Variants in NF1 observed in about 807,000 individuals in gnomAD.
NF1 encodes neurofibromin.
NF1 carries 122 observed loss-of-function variants against 325.7 expected under a neutral mutation model. The observed-to-expected ratio is 0.37, with a 90% CI of 0.32 to 0.44. The LOEUF (loss-of-function observed/expected upper bound fraction) is 0.44. Ranked by LOEUF, NF1 falls within the 20% of genes least tolerant of loss-of-function variation. The pLI is 1.00. For synonymous variants in NF1, 1,091 were observed against 1,186.0 expected (o/e 0.92, Z 1.65); for missense variants, 2,140 against 3,415.4 (o/e 0.63, Z 9.31).
chr17:31,337,211 A>T (rs935864303), intron 42 of NF1, among the ~76,000 whole-genome samples, 157 bp from the exon 43 acceptor site: 5 of 152,234 alleles, frequency 3.3e-5, no homozygotes, highest in African/African-American at 1.2e-4. Flanking sequence ...TGAAGCAAGG[A>T]GCATTAATAC....
chr17:31,199,685 G>A lies in NF1; in HGVS notation c.889-737G>A, dbSNP rs17879141. 7.8e-3 allele frequency among the ~76,000 whole-genome samples: 1,190 copies of A among 152,228 alleles called. 19 individuals carry two copies. Among genetic ancestry groups the A allele is most frequent in the African/African-American group, 0.027 (1,140 of 41,514 alleles). ...ATTTTTTTTGAGAAACAAATTTAGA[G>A]CAACAGAACAGCCTTGAATATATTC... is the stretch of plus-strand genomic sequence containing the variant. On this transcript the variant is annotated intron_variant, in intron 8 of 57. Transcript: ENST00000358273.
chr17:31,355,806 TATC>T (rs2070256024), intron 51 of NF1: 1 of 152,556 alleles, frequency 6.6e-6, no homozygotes, highest in African/African-American at 2.4e-5. Context: ...GCTGAAATCA[TATC>T]ACTGCACTCC....
chr17:31,155,693 G>T (rs1256270051), intron 1 of NF1, among the ~76,000 whole-genome samples: 1 of 152,148 alleles, frequency 6.6e-6, no homozygotes, highest in African/African-American at 2.4e-5. Context: ...CTATTTTGTA[G>T]ATAGAGATTT....
In NF1 at chr17:31,095,259, C is replaced by T. The variant is rs964223360; in HGVS notation, c.-51C>T. ...TCCGCTCCCCGCCCTCTTCCCGGCC[C>T]AGGGCGCCGGCCCACCCTTCCCTCC... On this transcript the variant is annotated 5_prime_UTR_variant, in exon 1 of 58. Transcript: ENST00000358273. The T allele has an allele frequency of 9.2e-5, 139 of 1,518,540 alleles. No homozygotes were observed. The highest frequency in any genetic ancestry group is 1.2e-4 in the Non-Finnish European group (137 of 1,132,434). The allele number at this position is 1,518,540 out of a possible 1,614,324, so 94.1% of individuals were successfully genotyped here.
intron 1 of NF1, among the ~76,000 whole-genome samples, chr17:31,120,423 T>C (rs1046905623): frequency 1.3e-5 from 2 of 152,226 alleles, no homozygotes; most frequent in African/African-American, 4.8e-5. Flanking sequence ...TATTGGTGTA[T>C]AGGAATGCTT....
intron 47 of NF1, among the ~76,000 whole-genome samples, chr17:31,342,648 C>G (rs1438511499): frequency 6.6e-6 from 1 of 152,142 alleles, no homozygotes; most frequent in African/African-American, 2.4e-5. Context: ...GTATTTTCAT[C>G]TTCAAAACAG....
chr17:31,167,404 AGAAG>A (rs749071482), intron 4 of NF1, among the ~76,000 whole-genome samples: 1 of 152,218 alleles, frequency 6.6e-6, no homozygotes, highest in Non-Finnish European at 1.5e-5. Context: ...CGAGAATTTG[AGAAG>A]GAAGAATAGG....
At chr17:31,295,615 CAGTA>C in intron 36 of NF1, 1 of 1,614,084 alleles carries the variant, frequency 6.2e-7, no homozygotes, top group Non-Finnish European at 8.5e-7. Context: ...TCATCCACTT[CAGTA>C]AGTAAGTAAT....
intron 51 of NF1, 119 bp downstream of exon 51, chr17:31,352,533 G>T: frequency 1.1e-6 from 1 of 889,008 alleles, no homozygotes; most frequent in Non-Finnish European, 1.7e-6. Flanking sequence ...GTGTAGCAAA[G>T]TTTTTGATGC....
At chr17:31,292,166 T>C (rs2068355779) in intron 36 of NF1, among the ~76,000 whole-genome samples, 1 of 152,236 alleles carries the variant, frequency 6.6e-6, no homozygotes, top group Non-Finnish European at 1.5e-5. Context: ...CAGAGGCAAG[T>C]TGCTTGTAAA....
chr17:31,321,913 A>C (rs944829295), intron 36 of NF1: 1 of 152,204 alleles, frequency 6.6e-6, no homozygotes, highest in Non-Finnish European at 1.5e-5. Flanking sequence ...TTCCATTTCA[A>C]ATCTTCTCTA....
At chr17:31,310,776 C>T (rs181716363) in intron 36 of NF1, among the ~76,000 whole-genome samples, 181 of 152,008 alleles carry the variant, frequency 1.2e-3, no homozygotes, top group African/African-American at 4.1e-3. Context: ...CCTCATATGC[C>T]GGTTTTTACT....
chr17:31,135,119 A>G (rs1915668252), intron 1 of NF1, among the ~76,000 whole-genome samples: 2 of 152,124 alleles, frequency 1.3e-5, no homozygotes. Context: ...AACTCTTCTA[A>G]ATTCTGATTC....
At chr17:31,172,675 AG>A (rs1334055018) in intron 5 of NF1, among the ~76,000 whole-genome samples, 8 of 152,180 alleles carry the variant, frequency 5.3e-5, no homozygotes, top group Admixed American at 5.2e-4. Context: ...TGTTCAGTAA[AG>A]ATTGAGTTCA....
At position 31,230,902 on chromosome 17, in the gene NF1, T is replaced by C. The variant is rs1304130404; in HGVS notation, c.3174T>C (p.Asp1058=). ...TGGGAACATCAAACCAAGCAGCAGA[T>C]GATGATGTAAAATGTCTTACAAGGT... ...WVMGTSNQAA[D]DDVKCLTRDL... The change falls in exon 24 of 58, where the codon GAT becomes GAC. Residue 1058 remains aspartate, a synonymous_variant. Coordinates refer to ENST00000358273, the MANE Select transcript of NF1 (RefSeq NM_001042492.3). 2 of 1,611,026 alleles carry C rather than the reference T, an allele frequency of 1.2e-6. No homozygotes were observed. Among genetic ancestry groups the C allele is most frequent in the South Asian group, 1.1e-5 (1 of 90,904 alleles).
At chr17:31,258,247 C>T in intron 31 of NF1, 97 bp from the exon 32 acceptor site, 3 of 1,311,172 alleles carry the variant, frequency 2.3e-6, no homozygotes, top group Non-Finnish European at 3.3e-6. Flanking sequence ...CTGATTGATT[C>T]AGAGTTTTTA....
At chr17:31,162,035 C>CAAAAAAAAAAAA (rs781244510) in intron 3 of NF1, among the ~76,000 whole-genome samples, 1 of 54,174 alleles carries the variant, frequency 1.8e-5, no homozygotes, top group Non-Finnish European at 3.2e-5. Context: ...GACTCCATCT[C>CAAAAAAAAAAAA]AAAAAAAAAA....
chr17:31,155,922 T>C (rs2065652049), intron 1 of NF1, 61 bp from the exon 2 acceptor site: 5 of 1,565,876 alleles, frequency 3.2e-6, no homozygotes, highest in Non-Finnish European at 4.3e-6. Flanking sequence ...GGCAAGTAAG[T>C]TATTTATGGT....
chr17:31,224,195 G>T (rs1394703081), intron 16 of NF1, among the ~76,000 whole-genome samples: 1 of 152,146 alleles, frequency 6.6e-6, no homozygotes, highest in Non-Finnish European at 1.5e-5. Flanking sequence ...GGGGTGGAGT[G>T]AAATGTTTTG....
Sources: allele counts gnomAD v4.1 joint callset (sites outside exome capture counted in the v4.1 genomes callset), GRCh38; gene constraint gnomAD v4.1.1; transcripts MANE v1.5; gene names NCBI Gene and HGNC (gene_info 2026-07-23, HGNC 2026-07-21).